Variants in SAMD12 observed in about 807,000 individuals in gnomAD.
SAMD12 encodes the protein sterile alpha motif domain-containing protein 12.
A neutral mutation model predicts 15.0 loss-of-function variants in SAMD12; 9 were observed. That is an observed-to-expected ratio of 0.60 (90% CI 0.36 to 1.05). The LOEUF is 1.05. Among genes scored for constraint, SAMD12 ranks in the 50% least tolerant of loss-of-function variants. The pLI is 0.01. For missense variants in SAMD12, 230 were observed against 234.2 expected (o/e 0.98, Z 0.12); for synonymous variants, 86 against 90.1 (o/e 0.96, Z 0.25).
intron 4 of SAMD12, among the ~76,000 whole-genome samples, chr8:118,244,692 T>C (rs1455391341): frequency 6.6e-6 from 1 of 151,966 alleles, no homozygotes; most frequent in Non-Finnish European, 1.5e-5. Context: ...CTCTACAGGG[T>C]AGAATGAGGA....
chr8:118,331,451 G>A (rs1816802056), intron 4 of SAMD12, among the ~76,000 whole-genome samples: 1 of 152,094 alleles, frequency 6.6e-6, no homozygotes, highest in Non-Finnish European at 1.5e-5. Flanking sequence ...TCAAAATCTT[G>A]GACAAAGAAA....
chr8:118,522,384 A>G (rs1264522068), intron 2 of SAMD12, among the ~76,000 whole-genome samples: 2 of 152,146 alleles, frequency 1.3e-5, no homozygotes, highest in African/African-American at 2.4e-5. Context: ...AAGCATATTG[A>G]TGCTAGGTTT....
chr8:118,554,750 G>C (rs1826473678), intron 2 of SAMD12, among the ~76,000 whole-genome samples: 1 of 151,908 alleles, frequency 6.6e-6, no homozygotes, highest in African/African-American at 2.4e-5. Flanking sequence ...TTATGATATG[G>C]GTGGGTCTCG....
chr8:118,370,929 C>G (rs1234340266), intron 4 of SAMD12, among the ~76,000 whole-genome samples: 1 of 136,218 alleles, frequency 7.3e-6, no homozygotes, highest in Admixed American at 7.5e-5. Context: ...TGCACATGTA[C>G]TCTGGAACTT....
intron 4 of SAMD12, among the ~76,000 whole-genome samples, chr8:118,321,512 G>T (rs1816283738): frequency 6.6e-6 from 1 of 152,024 alleles, no homozygotes; most frequent in Non-Finnish European, 1.5e-5. Context: ...CACTCGGGAG[G>T]CTGAGGCAGG....
chr8:118,282,850 ATG>A (rs1012031215), intron 4 of SAMD12, among the ~76,000 whole-genome samples: 6 of 151,932 alleles, frequency 3.9e-5, no homozygotes, highest in South Asian at 2.1e-4. Context: ...ATGTATAGAT[ATG>A]TGTGTGTGTG....
At chr8:118,297,424 G>A (rs116546387) in intron 4 of SAMD12, among the ~76,000 whole-genome samples, 10 of 152,274 alleles carry the variant, frequency 6.6e-5, no homozygotes, top group African/African-American at 1.9e-4. Flanking sequence ...GGAAGGTCAC[G>A]TCACTAGAAT....
Position 118,527,771 on chromosome 8 carries a change from G to A in SAMD12, c.192+52944C>T, listed in dbSNP as rs190208518. Among the ~76,000 whole-genome samples, 16 of 152,246 alleles carry A rather than the reference G, an allele frequency of 1.1e-4. No individual in the cohort carries two copies. In the East Asian group the frequency reaches 3.1e-3, roughly 29 times the overall value. Reference sequence around the variant, plus strand: ...CTACTTAATCTTGAGTTAATAAGATGTTTAATTAGGGATATCTGCTGAAGC... The same window carrying A: ...CTACTTAATCTTGAGTTAATAAGATATTTAATTAGGGATATCTGCTGAAGC... On this transcript the variant is annotated intron_variant, in intron 2 of 3. Coordinates refer to ENST00000314727, the MANE Select transcript of SAMD12 (RefSeq NM_207506.3).
intron 4 of SAMD12, among the ~76,000 whole-genome samples, chr8:118,244,918 T>C (rs1033865251): frequency 6.6e-6 from 1 of 152,134 alleles, no homozygotes; most frequent in Admixed American, 6.6e-5. Context: ...AGGATAAATC[T>C]GAAGGTCTAC....
intron 2 of SAMD12, among the ~76,000 whole-genome samples, chr8:118,531,443 A>G (rs556499972): frequency 6.6e-6 from 1 of 152,228 alleles, no homozygotes; most frequent in East Asian, 1.9e-4. Flanking sequence ...ACTTTACAGT[A>G]GTTTTTTCCA....
chr8:118,437,566 G>A (rs968253593), intron 3 of SAMD12, among the ~76,000 whole-genome samples: 4 of 152,094 alleles, frequency 2.6e-5, no homozygotes, highest in Non-Finnish European at 5.9e-5. Flanking sequence ...ATCTCTCTGA[G>A]CCAGGTACTA....
chr8:118,211,767 C>T (rs1030776743), intron 4 of SAMD12, among the ~76,000 whole-genome samples: 1 of 152,078 alleles, frequency 6.6e-6, no homozygotes, highest in East Asian at 1.9e-4. Flanking sequence ...AAAAGCTTTC[C>T]CTCCAGACGG....
At chr8:118,428,395 T>C (rs1822298559) in intron 3 of SAMD12, among the ~76,000 whole-genome samples, 1 of 126,432 alleles carries the variant, frequency 7.9e-6, no homozygotes, top group Admixed American at 8.3e-5. Context: ...CAAGACGCTG[T>C]CTCAAAAACA....
intron 3 of SAMD12, among the ~76,000 whole-genome samples, chr8:118,420,086 C>G (rs1013495928): frequency 6.6e-6 from 1 of 152,298 alleles, no homozygotes; most frequent in African/African-American, 2.4e-5. Flanking sequence ...GCCTTGGAGA[C>G]GTATGATTTC....
intron 4 of SAMD12, among the ~76,000 whole-genome samples, chr8:118,257,241 C>G (rs11562689): frequency 6.6e-6 from 1 of 152,038 alleles, no homozygotes; most frequent in Non-Finnish European, 1.5e-5. Flanking sequence ...GTATCTTTAA[C>G]CCACAGCTGT....
At chr8:118,450,412 C>A (rs966930774) in intron 2 of SAMD12, among the ~76,000 whole-genome samples, 1 of 152,156 alleles carries the variant, frequency 6.6e-6, no homozygotes, top group Non-Finnish European at 1.5e-5. Flanking sequence ...TGTCTTAGTA[C>A]AGCAGGAAAA....
chr8:118,473,688 C>A (rs141198517), intron 2 of SAMD12, among the ~76,000 whole-genome samples: 2 of 152,190 alleles, frequency 1.3e-5, no homozygotes, highest in African/African-American at 4.8e-5. Flanking sequence ...TCCGACTCAT[C>A]ATGCACCTTC....
chr8:118,162,072 A>G, the SAMD12 span, among the ~76,000 whole-genome samples: 17 of 151,252 alleles, frequency 1.1e-4, no homozygotes, highest in African/African-American at 4.1e-4. Context: ...AGGCAGGGGA[A>G]TCACTTGTAC....
chr8:118,364,183 C>T (rs1340459151), intron 4 of SAMD12, among the ~76,000 whole-genome samples: 2 of 152,134 alleles, frequency 1.3e-5, no homozygotes, highest in African/African-American at 2.4e-5. Flanking sequence ...TGCCCTTATA[C>T]CTGCCAAGCA....
Sources: allele counts gnomAD v4.1 joint callset (sites outside exome capture counted in the v4.1 genomes callset), GRCh38; gene constraint gnomAD v4.1.1; transcripts MANE v1.5; gene names NCBI Gene and HGNC (gene_info 2026-07-23, HGNC 2026-07-21).